The following FBN1 variants were observed in gnomAD, a reference collection of about 807,000 sequenced individuals.
FBN1 encodes the protein fibrillin-1.
A neutral mutation model predicts 365.1 loss-of-function variants in FBN1; 29 were observed. The ratio of observed to expected loss-of-function variants is 0.08; its 90% CI spans 0.06 to 0.11. The LOEUF is 0.11. Ranked by LOEUF, FBN1 falls within the 10% of genes least tolerant of loss-of-function variation. FBN1 has a pLI of 1.00. For missense variants in FBN1, 2,476 were observed against 3,703.2 expected (o/e 0.67, Z 8.60); for synonymous variants, 1,210 against 1,270.5 (o/e 0.95, Z 1.01).
intron 38 of FBN1, among the ~76,000 whole-genome samples, chr15:48,466,714 TGTTTTGCTACTGTC>T: frequency 6.6e-6 from 1 of 152,264 alleles, no homozygotes; most frequent in East Asian, 1.9e-4. Flanking sequence ...GGATATCTAT[TGTTTTGCTACTGTC>T]ATTAATCTAC....
In FBN1 at chr15:48,534,083, C is replaced by T. The variant is rs1597591602; in HGVS notation, c.859G>A (p.Glu287Lys). 1 of 1,613,680 alleles carries T rather than the reference C, an allele frequency of 6.2e-7. No individual in the cohort carries two copies. Among genetic ancestry groups the T allele is most frequent in the Non-Finnish European group, 8.5e-7 (1 of 1,179,778 alleles). ...HKLNEVSQKC[E>K]DIDECSTIPG... ...TGCAAAGCATAAGATTTCTTACCTTCACATTTTTGTGACACTTCATTAAGT... is the reference window on the plus strand; with the variant it reads ...TGCAAAGCATAAGATTTCTTACCTTTACATTTTTGTGACACTTCATTAAGT... The change falls in exon 8 of 66, where the codon GAA becomes AAA. Residue 287 changes from glutamate (E) to lysine (K), a missense_variant. Coordinates refer to ENST00000316623, the MANE Select transcript of FBN1 (RefSeq NM_000138.5).
chr15:48,480,164 A>T (rs1430740022), intron 32 of FBN1, among the ~76,000 whole-genome samples: 1 of 152,176 alleles, frequency 6.6e-6, no homozygotes, highest in Non-Finnish European at 1.5e-5. Context: ...CCTCTTTCTT[A>T]TGGGGAATGA....
intron 42 of FBN1, among the ~76,000 whole-genome samples, chr15:48,461,880 T>TCTC (rs1216287637): frequency 6.6e-6 from 1 of 152,206 alleles, no homozygotes; most frequent in East Asian, 1.9e-4. Flanking sequence ...GAAATACGAT[T>TCTC]CTCCTGATTT....
At chr15:48,482,506 C>T (rs529903351) in intron 31 of FBN1, among the ~76,000 whole-genome samples, 216 of 152,182 alleles carry the variant, frequency 1.4e-3, no homozygotes, top group Middle Eastern at 3.4e-3. Flanking sequence ...CCTACAATTG[C>T]CCGAGATTAC....
At position 48,463,921 on chromosome 15, in the gene FBN1, C is replaced by T. The variant is rs773785769; in HGVS notation, c.5043G>A (p.Val1681=). ...TCICPPDYMQ[V]NGGNNCMDMR... ...TACCCATGCAATTATTTCCCCCATT[C>T]ACTTGCATGTAGTCTGGAGGACAGA... Residue 1681 remains valine, a synonymous_variant, in exon 41 of 66, where the codon GTG becomes GTA. Transcript: ENST00000316623. The T allele has an allele frequency of 1.2e-6, 2 of 1,613,700 alleles. No homozygotes were observed. Among genetic ancestry groups the T allele is most frequent in the Non-Finnish European group, 1.7e-6 (2 of 1,179,788 alleles).
chr15:48,463,033 G>A (rs372107243), intron 42 of FBN1, 49 bp downstream of exon 42: 292 of 1,557,286 alleles, frequency 1.9e-4, no homozygotes, highest in Non-Finnish European at 2.2e-4. Context: ...AACAATTCAT[G>A]GGTAATTTTT....
intron 37 of FBN1, 139 bp downstream of exon 37, chr15:48,468,273 T>A (rs924157880): frequency 1.5e-6 from 2 of 1,356,446 alleles, no homozygotes; most frequent in African/African-American, 1.4e-5. Flanking sequence ...GGAAAAGATA[T>A]CTGAATCTAA....
intron 4 of FBN1, among the ~76,000 whole-genome samples, chr15:48,601,165 A>G (rs2044563141): frequency 6.6e-6 from 1 of 152,210 alleles, no homozygotes; most frequent in African/African-American, 2.4e-5. Flanking sequence ...ATGGGCTGAC[A>G]GCCTTAGACC....
chr15:48,635,497 C>A (rs1048308359), intron 2 of FBN1, among the ~76,000 whole-genome samples: 4 of 152,062 alleles, frequency 2.6e-5, no homozygotes, highest in African/African-American at 9.7e-5. Flanking sequence ...TTAGCAACTG[C>A]AACCTATTTT....
At chr15:48,513,268 T>G (rs1244784462) in intron 13 of FBN1, among the ~76,000 whole-genome samples, 1 of 152,174 alleles carries the variant, frequency 6.6e-6, no homozygotes, top group Non-Finnish European at 1.5e-5. Flanking sequence ...TCTCTACTTC[T>G]CAGATGAAAA....
At chr15:48,604,951 T>G (rs55712230) in intron 4 of FBN1, among the ~76,000 whole-genome samples, 11,875 of 152,206 alleles carry the variant, frequency 0.078, 1,640 homozygotes, top group African/African-American at 0.27. Flanking sequence ...CCCAGCTGAT[T>G]AAAGCCCCTT....
chr15:48,573,124 G>T (rs1345888636), intron 6 of FBN1, among the ~76,000 whole-genome samples: 1 of 152,184 alleles, frequency 6.6e-6, no homozygotes, highest in Non-Finnish European at 1.5e-5. Context: ...TCCGAAAACA[G>T]GAGGCTAAGA....
intron 45 of FBN1, 34 bp from the exon 46 acceptor site, chr15:48,448,927 G>A (rs1241868550): frequency 6.3e-7 from 1 of 1,578,058 alleles, no homozygotes; most frequent in Non-Finnish European, 8.7e-7. Flanking sequence ...TGAGAACTTA[G>A]AAGACAAAAT....
intron 6 of FBN1, among the ~76,000 whole-genome samples, chr15:48,552,557 C>T (rs1300617360): frequency 6.6e-6 from 1 of 152,148 alleles, no homozygotes; most frequent in Non-Finnish European, 1.5e-5. Flanking sequence ...CAGGCGTGAG[C>T]CACTGGCTGG....
intron 7 of FBN1, among the ~76,000 whole-genome samples, chr15:48,535,944 G>A (rs1044658275): frequency 7.2e-5 from 11 of 152,026 alleles, no homozygotes; most frequent in African/African-American, 2.4e-4. Flanking sequence ...ATGATTTCTG[G>A]CCAACAGAAA....
chr15:48,439,014 T>C lies in FBN1; in HGVS notation c.6164-1097A>G, dbSNP rs564920368. On this transcript the variant is annotated intron_variant, in intron 50 of 65. Transcript: ENST00000316623. Reference sequence around the variant, plus strand: ...CCTCTGCCTTTTTCATTCACTTCCATCACTGTTTTTCAATCCCAGGAACCA... The same window carrying C: ...CCTCTGCCTTTTTCATTCACTTCCACCACTGTTTTTCAATCCCAGGAACCA... Among the ~76,000 whole-genome samples the C allele has an allele frequency of 4.6e-5, 7 of 152,286 alleles. No homozygotes were observed. In the East Asian group the frequency reaches 5.8e-4, roughly 13 times the overall value.
At chr15:48,512,848 G>C (rs1356088967) in intron 13 of FBN1, among the ~76,000 whole-genome samples, 6 of 151,692 alleles carry the variant, frequency 4.0e-5, no homozygotes, top group African/African-American at 1.2e-4. Flanking sequence ...ATAGATGTTT[G>C]GGCTCCCTGA....
In FBN1 at chr15:48,411,393, T is replaced by G; in HGVS notation, c.8227-14A>C. The stretch of plus-strand genomic sequence containing the variant: ...CTCAGACTGATCCTGGAAAGACACA[T>G]GGCAATATGTTAAATACAATGTACA... On this transcript the variant is annotated splice_polypyrimidine_tract_variant and intron_variant, in intron 65 of 65. Transcript: ENST00000316623. The G allele has an allele frequency of 1.2e-6, 2 of 1,612,836 alleles. No individual in the cohort carries two copies. The highest frequency in any genetic ancestry group is 1.7e-6 in the Non-Finnish European group (2 of 1,179,536).
intron 49 of FBN1, among the ~76,000 whole-genome samples, chr15:48,442,870 C>G (rs959999205): frequency 4.6e-5 from 7 of 152,116 alleles, no homozygotes; most frequent in Non-Finnish European, 8.8e-5. Context: ...TATGAGAATA[C>G]TTTTTTATTT....
Sources: allele counts gnomAD v4.1 joint callset (sites outside exome capture counted in the v4.1 genomes callset), GRCh38; gene constraint gnomAD v4.1.1; transcripts MANE v1.5; gene names NCBI Gene and HGNC (gene_info 2026-07-23, HGNC 2026-07-21).